Variants in ZNF512 observed in about 807,000 individuals in gnomAD.
The protein encoded by ZNF512 is zinc finger protein 512.
Under a neutral mutation model 77.5 loss-of-function variants are expected in ZNF512, and 25 were observed. The observed-to-expected ratio is 0.32, with a 90% CI of 0.23 to 0.45. ZNF512 has a LOEUF of 0.45. Ranked by LOEUF, ZNF512 falls within the 20% of genes least tolerant of loss-of-function variation. ZNF512 has a pLI of 1.00. For missense variants in ZNF512, 483 were observed against 692.6 expected (o/e 0.70, Z 3.40); for synonymous variants, 246 against 239.9 (o/e 1.03, Z -0.24).
intron 13 of ZNF512, among the ~76,000 whole-genome samples, chr2:27,620,754 C>T (rs1673085842): frequency 6.6e-6 from 1 of 152,100 alleles, no homozygotes; most frequent in Admixed American, 6.5e-5. Context: ...TATCTAGAAA[C>T]AGAGCTGGGA....
chr2:27,601,741 T>C (rs766530229), intron 7 of ZNF512, among the ~76,000 whole-genome samples: 1 of 152,170 alleles, frequency 6.6e-6, no homozygotes, highest in African/African-American at 2.4e-5. Context: ...CTCCGCCTCC[T>C]GGGTTCAAGC....
chr2:27,610,538 G>GTGTGTA (rs1377590103), intron 10 of ZNF512, among the ~76,000 whole-genome samples: 1,510 of 51,346 alleles, frequency 0.029, 143 homozygotes, highest in African/African-American at 0.15. Flanking sequence ...GTATATATAT[G>GTGTGTA]TGTGTGTATA....
Position 27,621,291 on chromosome 2 carries a change from A to G in ZNF512, c.1534A>G (p.Ile512Val). The G allele has an allele frequency of 6.2e-7, 1 of 1,614,208 alleles. No homozygotes were observed. Among genetic ancestry groups the G allele is most frequent in the African/African-American group, 1.3e-5 (1 of 75,052 alleles). The change falls in exon 14 of 14, where the codon ATT becomes GTT. Residue 512 changes from isoleucine (I) to valine (V), a missense_variant. Physicochemically the swap from Ile to Val is conservative, Grantham distance 29. Transcript: ENST00000355467. ...TCTAAGAAGGCGGCAGCAGCCTGGC[A>G]TTGAGCTTCCCGAGACAGAGCTGAG... ...RSLRRRQQPG[I>V]ELPETELSLR...
Position 27,622,598 on chromosome 2 carries a change from G to A in ZNF512, c.*1137G>A, listed in dbSNP as rs1177936009. The A allele has an allele frequency of 6.5e-6, 1 of 152,802 alleles. No individual in the cohort carries two copies. Among genetic ancestry groups the A allele is most frequent in the African/African-American group, 2.4e-5 (1 of 41,448 alleles). The allele number at this position is 152,802 out of a possible 1,614,324, so 9.5% of individuals were successfully genotyped here. ...CTGTACCTCATGCCTATCTGGTAATGTTTAATGGGTTATTTCTCTTTGAGG... is the reference window on the plus strand; with the variant it reads ...CTGTACCTCATGCCTATCTGGTAATATTTAATGGGTTATTTCTCTTTGAGG... On this transcript the variant is annotated 3_prime_UTR_variant, in exon 14 of 14. Coordinates refer to ENST00000355467, the MANE Select transcript of ZNF512 (RefSeq NM_032434.4).
At chr2:27,612,329 G>A in intron 10 of ZNF512, among the ~76,000 whole-genome samples, 1 of 151,944 alleles carries the variant, frequency 6.6e-6, no homozygotes, top group East Asian at 1.9e-4. Context: ...CCCAGCCCTG[G>A]AATCAACCAT....
chr2:27,615,434 G>C (rs997169021), intron 11 of ZNF512, among the ~76,000 whole-genome samples, 165 bp downstream of exon 11: 4 of 152,180 alleles, frequency 2.6e-5, no homozygotes, highest in African/African-American at 9.7e-5. Flanking sequence ...GGCTCAGCAG[G>C]GCAGTTCTCC....
chr2:27,617,049 T>C (rs903320441), intron 12 of ZNF512: 4 of 180,894 alleles, frequency 2.2e-5, no homozygotes, highest in Middle Eastern at 2.5e-3. Flanking sequence ...ACTCTTCTAA[T>C]TCTGGATTTT....
chr2:27,619,139 G>C (rs761641864), intron 13 of ZNF512, among the ~76,000 whole-genome samples: 9 of 152,222 alleles, frequency 5.9e-5, no homozygotes, highest in Non-Finnish European at 1.0e-4. Context: ...GCTGGGCACG[G>C]TGGCTCACGC....
At position 27,621,786 on chromosome 2, in the gene ZNF512, G is replaced by T; in HGVS notation, c.*325G>T. On this transcript the variant is annotated 3_prime_UTR_variant, in exon 14 of 14. Transcript: ENST00000355467. ...TCTTTGGTTGTCCTTTCCTTCCTGG[G>T]GTATAGAATGTTCTTGGAAGCTCCA... is the stretch of plus-strand genomic sequence containing the variant. 5.0e-6 allele frequency: 1 copy of T among 199,934 alleles called. No homozygotes were observed. The allele number at this position is 199,934 out of a possible 1,614,324, so 12.4% of individuals were successfully genotyped here.
chr2:27,620,547 G>A (rs1167551521), intron 13 of ZNF512, among the ~76,000 whole-genome samples: 1 of 152,148 alleles, frequency 6.6e-6, no homozygotes, highest in Non-Finnish European at 1.5e-5. Context: ...TTGCAGTGGG[G>A]CAGAGAGATT....
intron 13 of ZNF512, among the ~76,000 whole-genome samples, chr2:27,617,879 C>T (rs1375798439): frequency 7.0e-6 from 1 of 143,792 alleles, no homozygotes; most frequent in African/African-American, 2.6e-5. Context: ...TACTGCACTC[C>T]AGCCTAGGCA....
chr2:27,602,398 T>C (rs1672154615), intron 7 of ZNF512, 65 bp from the exon 8 acceptor site: 2 of 1,445,184 alleles, frequency 1.4e-6, no homozygotes, highest in Non-Finnish European at 1.9e-6. Context: ...TCCTCTGATA[T>C]TTTTTTTCCC....
Position 27,623,064 on chromosome 2 carries a change from A to G in ZNF512, c.*1603A>G, listed in dbSNP as rs1275990951. 1.3e-5 allele frequency: 2 copies of G among 152,798 alleles called. No individual in the cohort carries two copies. Among genetic ancestry groups the G allele is most frequent in the Non-Finnish European group, 2.9e-5 (2 of 68,056 alleles). The allele number at this position is 152,798 out of a possible 1,614,324, so 9.5% of individuals were successfully genotyped here. A position where few individuals can be genotyped will look rare whatever the true frequency, so the allele number is the denominator to read the frequency against. ...GAGTAAGACCTGGGGAATGTTTGGC[A>G]ATGACAAAAGAAATAAATGACTCTC... On this transcript the variant is annotated 3_prime_UTR_variant, in exon 14 of 14. Transcript: ENST00000355467.
Position 27,583,297 on chromosome 2 carries a change from C to T in ZNF512, c.30+155C>T, listed in dbSNP as rs560717421. On this transcript the variant is annotated intron_variant, in intron 1 of 13. Transcript: ENST00000355467. Reference sequence around the variant, plus strand: ...CAGATCACCTGTCCCTTTTTCTTTACCCACGTTCTGCTGCCTGTTCCCCAC... The same window carrying T: ...CAGATCACCTGTCCCTTTTTCTTTATCCACGTTCTGCTGCCTGTTCCCCAC... 2.6e-4 allele frequency: 344 copies of T among 1,321,848 alleles called. 1 individual carries two copies. The highest frequency in any genetic ancestry group is 2.2e-3 in the South Asian group (180 of 80,106). 81.9% of individuals were successfully genotyped at this position (1,321,848 alleles called of 1,614,324 possible).
chr2:27,597,342 G>A (rs1671915462), intron 2 of ZNF512, among the ~76,000 whole-genome samples: 1 of 152,170 alleles, frequency 6.6e-6, no homozygotes, highest in Non-Finnish European at 1.5e-5. Flanking sequence ...GCTGGAAAAG[G>A]GAGGTTCTAG....
chr2:27,611,141 A>C (rs1672642577), intron 10 of ZNF512, among the ~76,000 whole-genome samples: 2 of 152,168 alleles, frequency 1.3e-5, no homozygotes, highest in African/African-American at 2.4e-5. Context: ...TAATTTTGAA[A>C]TAATTTTAGA....
chr2:27,608,272 A>G (rs1399484829), intron 10 of ZNF512, among the ~76,000 whole-genome samples: 1 of 152,216 alleles, frequency 6.6e-6, no homozygotes, highest in Non-Finnish European at 1.5e-5. Context: ...GACTACTTCC[A>G]GAGGGAACCT....
intron 10 of ZNF512, among the ~76,000 whole-genome samples, chr2:27,609,829 A>G (rs1360845260): frequency 2.0e-5 from 3 of 151,694 alleles, no homozygotes; most frequent in Non-Finnish European, 4.4e-5. Context: ...AGATCGTGCC[A>G]TTGCACTCCA....
Position 27,601,422 on chromosome 2 carries a change from A to T in ZNF512, c.649A>T (p.Met217Leu). The T allele has an allele frequency of 6.2e-7, 1 of 1,613,672 alleles. No individual in the cohort carries two copies. Among genetic ancestry groups the T allele is most frequent in the Non-Finnish European group, 8.5e-7 (1 of 1,179,874 alleles). The stretch of plus-strand genomic sequence containing the variant: ...ACTGGCAGGGATGAAGTATCATGTC[A>T]TGGCAAATCATAATAGTTTGGTAAG... ...RSLAGMKYHV[M>L]ANHNSLPILK... Residue 217 changes from methionine (M) to leucine (L), a missense_variant, in exon 7 of 14, where the codon ATG becomes TTG. Met to Leu is a conservative substitution (Grantham distance 15). This residue lies in a region of ZNF512 where 324 missense variants were observed against 525.0 expected (regional missense o/e 0.62). Coordinates refer to ENST00000355467, the MANE Select transcript of ZNF512 (RefSeq NM_032434.4).
Sources: gnomAD v4.1 joint callset for allele counts (sites outside exome capture counted in the v4.1 genomes callset) on GRCh38, gnomAD v4.1.1 for gene constraint, gnomAD v4.1.1 regional missense constraint, MANE v1.5 for transcripts, NCBI Gene and HGNC (gene_info 2026-07-23, HGNC 2026-07-21) for gene names.